The following RBMS3 variants were observed in gnomAD, a reference collection of about 807,000 sequenced individuals.
The protein encoded by RBMS3 is RNA binding motif single stranded interacting protein 3.
RBMS3 carries 27 observed loss-of-function variants against 66.8 expected under a neutral mutation model. That is an observed-to-expected ratio of 0.40 (90% confidence interval 0.30 to 0.56). The LOEUF (loss-of-function observed/expected upper bound fraction) is 0.56, where lower values mean the gene tolerates loss of function less well. RBMS3 is among the 20% of genes least tolerant of loss of function. The probability of loss-of-function intolerance (pLI) is 0.40; values close to 1 mark genes in which losing one functional copy is unlikely to be tolerated. For synonymous variants in RBMS3, 188 were observed against 183.0 expected (o/e 1.03, Z -0.22); for missense variants, 513 against 549.5 (o/e 0.93, Z 0.66).
chr3:29,922,054 A>G (rs563681427), intron 10 of RBMS3, among the ~76,000 whole-genome samples: 1 of 152,362 alleles, frequency 6.6e-6, no homozygotes, highest in South Asian at 2.1e-4. Flanking sequence ...ACAGAAAATG[A>G]CATGGCATCT....
chr3:29,360,842 G>A (rs1380045637), intron 1 of RBMS3, among the ~76,000 whole-genome samples: 1 of 151,912 alleles, frequency 6.6e-6, no homozygotes. Context: ...TGTTTAAAGT[G>A]TGTTTCATCA....
intron 1 of RBMS3, among the ~76,000 whole-genome samples, chr3:29,355,940 TC>T (rs765754227): frequency 9.2e-5 from 14 of 152,168 alleles, no homozygotes; most frequent in Admixed American, 2.0e-4. Context: ...TCCCAGTGAA[TC>T]TTCCCTAGTC....
At chr3:29,477,234 G>C (rs748011038) in intron 2 of RBMS3, among the ~76,000 whole-genome samples, 1 of 152,074 alleles carries the variant, frequency 6.6e-6, no homozygotes, top group Non-Finnish European at 1.5e-5. Context: ...AAGGAAATGT[G>C]CTCAATATAA....
At chr3:29,895,819 A>G (rs1229464692) in intron 8 of RBMS3, among the ~76,000 whole-genome samples, 1 of 150,864 alleles carries the variant, frequency 6.6e-6, no homozygotes, top group African/African-American at 2.4e-5. Context: ...GTTTTCCAAA[A>G]TGGGTGTAAT....
chr3:29,598,385 TA>T, intron 4 of RBMS3, among the ~76,000 whole-genome samples: 1 of 152,180 alleles, frequency 6.6e-6, no homozygotes, highest in Admixed American at 6.5e-5. Context: ...GATCAACAAC[TA>T]CCCTTGAAAG....
rs1384791509 is a variant in RBMS3, at chr3:30,007,006, C to T, written c.*3144C>T. The stretch of plus-strand genomic sequence containing the variant: ...TGTGTTTGGATAGTTTATATCATGC[C>T]ATTCTATAAAATGTATGTTTTCAAA... On this transcript the variant is annotated 3_prime_UTR_variant, in exon 15 of 15. Transcript: ENST00000383767. The T allele has an allele frequency of 1.3e-5, 2 of 151,662 alleles. No individual in the cohort carries two copies. Among genetic ancestry groups the T allele is most frequent in the African/African-American group, 4.8e-5 (2 of 41,312 alleles). The allele number at this position is 151,662 out of a possible 1,614,324, so 9.4% of individuals were successfully genotyped here.
intron 3 of RBMS3, among the ~76,000 whole-genome samples, chr3:29,514,134 A>G (rs2044520010): frequency 6.6e-6 from 1 of 152,226 alleles, no homozygotes; most frequent in Non-Finnish European, 1.5e-5. Context: ...GGTAAAACAT[A>G]GAGTATGTAA....
chr3:29,623,509 G>A (rs1294562113), intron 4 of RBMS3, among the ~76,000 whole-genome samples: 12 of 150,606 alleles, frequency 8.0e-5, no homozygotes, highest in African/African-American at 1.5e-4. Context: ...GGAGGATGGC[G>A]TGAACCAGGG....
At chr3:29,506,622 G>A (rs900258247) in intron 3 of RBMS3, among the ~76,000 whole-genome samples, 3 of 151,888 alleles carry the variant, frequency 2.0e-5, no homozygotes, top group East Asian at 1.9e-4. Context: ...TCCCTCTGCT[G>A]CAATTTTTTG....
At chr3:29,861,021 G>A (rs1198045791) in intron 6 of RBMS3, among the ~76,000 whole-genome samples, 2 of 152,030 alleles carry the variant, frequency 1.3e-5, no homozygotes, top group African/African-American at 2.4e-5. Flanking sequence ...CCGCCACCAC[G>A]CCCGGCTAAT....
intron 6 of RBMS3, among the ~76,000 whole-genome samples, chr3:29,823,237 C>T (rs1248362571): frequency 6.6e-6 from 1 of 152,094 alleles, no homozygotes; most frequent in East Asian, 1.9e-4. Flanking sequence ...CAGTCGTTAC[C>T]CCTCCAACTA....
At chr3:29,392,550 C>T (rs141245276) in intron 1 of RBMS3, among the ~76,000 whole-genome samples, 2,090 of 152,154 alleles carry the variant, frequency 0.014, 20 homozygotes, top group Non-Finnish European at 0.022. Flanking sequence ...AATTTAACCC[C>T]ACCATTTAGT....
chr3:29,571,438 T>C (rs1286400692), intron 3 of RBMS3, among the ~76,000 whole-genome samples: 1 of 152,152 alleles, frequency 6.6e-6, no homozygotes, highest in African/African-American at 2.4e-5. Context: ...TCCATTTTGA[T>C]ATGTTTTTTG....
At chr3:29,985,902 A>ATTGCTGTAT (rs1324168316) in intron 12 of RBMS3, among the ~76,000 whole-genome samples, 2 of 152,200 alleles carry the variant, frequency 1.3e-5, no homozygotes, top group African/African-American at 4.8e-5. Flanking sequence ...ACTAGTGAAC[A>ATTGCTGTAT]TTGCTGTATA....
At chr3:29,289,160 T>G (rs542453614) in intron 1 of RBMS3, among the ~76,000 whole-genome samples, 1 of 152,056 alleles carries the variant, frequency 6.6e-6, no homozygotes, top group Non-Finnish European at 1.5e-5. Context: ...TGTTCATTTA[T>G]TCATTTGTGA....
At chr3:29,658,582 T>A (rs1345476450) in intron 4 of RBMS3, among the ~76,000 whole-genome samples, 1 of 152,194 alleles carries the variant, frequency 6.6e-6, no homozygotes, top group Non-Finnish European at 1.5e-5. Context: ...TTACTCTTCG[T>A]GATGCAAAAT....
At chr3:29,721,243 A>G (rs945546818) in intron 4 of RBMS3, among the ~76,000 whole-genome samples, 1 of 152,168 alleles carries the variant, frequency 6.6e-6, no homozygotes, top group African/African-American at 2.4e-5. Flanking sequence ...ATGCCTCGTT[A>G]CATCCTTGCA....
At chr3:29,723,375 A>C (rs915779828) in intron 4 of RBMS3, among the ~76,000 whole-genome samples, 3 of 152,140 alleles carry the variant, frequency 2.0e-5, no homozygotes, top group East Asian at 1.9e-4. Context: ...TATTCCTTCT[A>C]CATTTATTAG....
chr3:29,920,142 A>G (rs2060734096), intron 10 of RBMS3, among the ~76,000 whole-genome samples: 1 of 152,192 alleles, frequency 6.6e-6, no homozygotes, highest in Non-Finnish European at 1.5e-5. Flanking sequence ...GCTGAAAATT[A>G]GCCACATGGG....
Sources: allele counts gnomAD v4.1 joint callset (sites outside exome capture counted in the v4.1 genomes callset), GRCh38; gene constraint gnomAD v4.1.1; transcripts MANE v1.5; gene names NCBI Gene and HGNC (gene_info 2026-07-23, HGNC 2026-07-21).